CSMD3: variants seen among roughly 807,000 people sequenced by gnomAD.
CSMD3 encodes CUB and Sushi multiple domains 3.
In CSMD3, 177 loss-of-function variants were observed where a neutral mutation model predicts 435.2. That is an observed-to-expected ratio of 0.41 (90% CI 0.36 to 0.46). CSMD3 has a LOEUF of 0.46. Ranked by LOEUF, CSMD3 falls within the 20% of genes least tolerant of loss-of-function variation. CSMD3 has a pLI of 0.34. For missense variants in CSMD3, 4,265 were observed against 4,504.6 expected (o/e 0.95, Z 1.52); for synonymous variants, 1,656 against 1,520.5 (o/e 1.09, Z -2.07).
intron 2 of CSMD3, among the ~76,000 whole-genome samples, chr8:113,290,905 G>A (rs2093681981): frequency 6.6e-6 from 1 of 150,986 alleles, no homozygotes; most frequent in African/African-American, 2.4e-5. Flanking sequence ...TACTTGTACT[G>A]TTATAAGCTC....
At chr8:112,259,527 T>C (rs1329792363) in intron 61 of CSMD3, among the ~76,000 whole-genome samples, 4 of 152,060 alleles carry the variant, frequency 2.6e-5, no homozygotes, top group African/African-American at 9.7e-5. Context: ...CACCATGGCA[T>C]GTGTATACCT....
chr8:112,506,734 T>C lies in CSMD3; in HGVS notation c.4852A>G (p.Ile1618Val), dbSNP rs760652358. The C allele has an allele frequency of 6.2e-7, 1 of 1,613,326 alleles. No homozygotes were observed. Among genetic ancestry groups the C allele is most frequent in the Non-Finnish European group, 8.5e-7 (1 of 1,179,302 alleles). The change falls in exon 29 of 71, where the codon ATC becomes GTC. Residue 1618 changes from isoleucine (I) to valine (V), a missense_variant. Transcript: ENST00000297405. Reference sequence around the variant, plus strand: ...ATAACATAGTCTGCATTGACGGTGATAGTCCAGTCACAGTCTCTGCTATGC... The same window carrying C: ...ATAACATAGTCTGCATTGACGGTGACAGTCCAGTCACAGTCTCTGCTATGC... ...YPHSRDCDWTITVNADYVISL... is the reference protein window; with the variant it reads ...YPHSRDCDWTVTVNADYVISL...
intron 5 of CSMD3, among the ~76,000 whole-genome samples, chr8:113,043,271 C>T (rs144111699): frequency 1.7e-3 from 255 of 152,234 alleles, no homozygotes; most frequent in African/African-American, 5.9e-3. Context: ...GTTCTTGCTA[C>T]GAAATCTTGC....
rs2092540553 is a variant in CSMD3, at chr8:113,188,507, T to C, written c.515-14591A>G. On this transcript the variant is annotated intron_variant, in intron 3 of 70. Coordinates refer to ENST00000297405, the MANE Select transcript of CSMD3 (RefSeq NM_198123.2). ...AATCCTTATACAAGCAGTAATAGTG[T>C]GCAATTGGGAACCACGGCCATAAGA... 2.0e-5 allele frequency among the ~76,000 whole-genome samples: 3 copies of C among 152,120 alleles called. No individual in the cohort carries two copies. In the South Asian group the frequency reaches 6.2e-4, roughly 31 times the overall value.
intron 13 of CSMD3, among the ~76,000 whole-genome samples, chr8:112,777,099 G>A (rs995733331): frequency 1.7e-4 from 26 of 151,878 alleles, no homozygotes; most frequent in African/African-American, 5.8e-4. Context: ...AAAATTTGGA[G>A]ATGCTGTGCC....
At chr8:113,412,624 G>T (rs946173326) in intron 1 of CSMD3, among the ~76,000 whole-genome samples, 3 of 152,002 alleles carry the variant, frequency 2.0e-5, no homozygotes, top group Non-Finnish European at 4.4e-5. Context: ...CTAATAGAAG[G>T]CTGCTGTATT....
chr8:113,024,294 G>A lies in CSMD3; in HGVS notation c.918-5115C>T, dbSNP rs1217986069. ...CATAGTATTCCACTGAGTATTGTGTGTGTGTGTGTGTGTGTGTGTGTGTGT... is the reference window on the plus strand; with the variant it reads ...CATAGTATTCCACTGAGTATTGTGTATGTGTGTGTGTGTGTGTGTGTGTGT... On this transcript the variant is annotated intron_variant, in intron 5 of 70. Coordinates refer to ENST00000297405, the MANE Select transcript of CSMD3 (RefSeq NM_198123.2). Among the ~76,000 whole-genome samples the A allele has an allele frequency of 6.3e-3, 3 of 480 alleles. No individual in the cohort carries two copies. The East Asian group carries it at 0.25, about 40-fold the overall frequency. 0.3% of individuals were successfully genotyped at this position (480 alleles called of 152,430 possible).
chr8:113,313,954 TGAAGAACCA>T (rs747031331), intron 2 of CSMD3: 4 of 152,150 alleles, frequency 2.6e-5, no homozygotes, highest in African/African-American at 4.8e-5. Flanking sequence ...GAGAAAATTC[TGAAGAACCA>T]GAAGAACTAC....
chr8:112,416,767 G>A (rs1395866395), intron 32 of CSMD3, among the ~76,000 whole-genome samples: 7 of 151,658 alleles, frequency 4.6e-5, no homozygotes, highest in Non-Finnish European at 1.0e-4. Flanking sequence ...TCTCAGAGGG[G>A]AATAATTCTC....
chr8:112,977,905 G>A (rs1434910905), intron 6 of CSMD3, among the ~76,000 whole-genome samples: 1 of 151,900 alleles, frequency 6.6e-6, no homozygotes, highest in Non-Finnish European at 1.5e-5. Flanking sequence ...TTAACCACAT[G>A]GTTAAGCAAT....
intron 45 of CSMD3, among the ~76,000 whole-genome samples, chr8:112,333,128 G>A (rs1437368869): frequency 6.6e-6 from 1 of 152,014 alleles, no homozygotes; most frequent in African/African-American, 2.4e-5. Flanking sequence ...GAAAATCAAG[G>A]GTTAAATGAA....
intron 31 of CSMD3, among the ~76,000 whole-genome samples, chr8:112,491,389 T>A (rs1221773923): frequency 6.6e-6 from 1 of 152,178 alleles, no homozygotes; most frequent in African/African-American, 2.4e-5. Flanking sequence ...GTGCAGTGGC[T>A]CACTCCTGTA....
intron 5 of CSMD3, among the ~76,000 whole-genome samples, chr8:113,073,703 TC>T (rs2089225080): frequency 6.6e-6 from 1 of 151,752 alleles, no homozygotes; most frequent in Admixed American, 6.6e-5. Flanking sequence ...CTCTCACAAT[TC>T]TTTTTTTTTT....
At chr8:112,335,228 A>C (rs1824444720) in intron 45 of CSMD3, 101 bp downstream of exon 45, 1 of 1,186,782 alleles carries the variant, frequency 8.4e-7, no homozygotes. Context: ...TCTAAATTTT[A>C]ATACCTTTTC....
intron 7 of CSMD3, among the ~76,000 whole-genome samples, chr8:112,964,041 T>G (rs1187274787): frequency 2.0e-5 from 3 of 151,962 alleles, no homozygotes; most frequent in East Asian, 1.9e-4. Flanking sequence ...ATTTACTGGC[T>G]GTGCATCTAA....
chr8:113,118,892 C>T (rs978680752), intron 4 of CSMD3, among the ~76,000 whole-genome samples: 14 of 152,088 alleles, frequency 9.2e-5, no homozygotes, highest in South Asian at 2.1e-4. Context: ...GATTTCATTT[C>T]GCTCTTGCTA....
At chr8:112,459,977 A>T (rs1048692341) in intron 32 of CSMD3, among the ~76,000 whole-genome samples, 11 of 152,062 alleles carry the variant, frequency 7.2e-5, no homozygotes, top group Non-Finnish European at 1.6e-4. Flanking sequence ...ATCTCATCAG[A>T]TCAATGTTTC....
chr8:112,822,706 T>C (rs1455418327), intron 12 of CSMD3, among the ~76,000 whole-genome samples: 2 of 152,194 alleles, frequency 1.3e-5, no homozygotes, highest in East Asian at 3.9e-4. Flanking sequence ...GGCATCCTTG[T>C]CTTGTGTCGG....
intron 66 of CSMD3, among the ~76,000 whole-genome samples, chr8:112,241,143 A>C (rs1039048899): frequency 6.6e-6 from 1 of 151,962 alleles, no homozygotes; most frequent in Non-Finnish European, 1.5e-5. Flanking sequence ...TTTAATTATT[A>C]TTTCTTTTGG....
Sources: gnomAD v4.1 joint callset for allele counts (sites outside exome capture counted in the v4.1 genomes callset) on GRCh38, gnomAD v4.1.1 for gene constraint, MANE v1.5 for transcripts, NCBI Gene and HGNC (gene_info 2026-07-23, HGNC 2026-07-21) for gene names.